Variants in WSCD1 observed in about 807,000 individuals in gnomAD.
WSCD1 encodes the protein WSC domain sialate O sulfotransferase 1, also known as sialate:O-sulfotransferase 1.
WSCD1 carries 41 observed loss-of-function variants against 60.4 expected under a neutral mutation model. The observed-to-expected ratio is 0.68, with a 90% CI of 0.53 to 0.88. The LOEUF is 0.88. WSCD1 is among the 40% of genes least tolerant of loss of function. The probability of loss-of-function intolerance (pLI) is 0.00; values close to 1 mark genes in which losing one functional copy is unlikely to be tolerated. For missense variants in WSCD1, 784 were observed against 796.2 expected (o/e 0.98, Z 0.18); for synonymous variants, 361 against 332.5 (o/e 1.09, Z -0.93).
intron 1 of WSCD1, 147 bp downstream of exon 1, chr17:6,070,799 G>GGGGGCACCTTCCCGGGGGCCC (rs1908489939): frequency 6.6e-6 from 1 of 151,790 alleles, no homozygotes; most frequent in Non-Finnish European, 1.5e-5. Context: ...CGGGCTTGCC[G>GGGGGCACCTTCCCGGGGGCCC]GGGGCACCTT....
chr17:6,080,517 C>A lies in WSCD1; in HGVS notation c.-142C>A. ...ACACCTACTGGAAACGGGGCAGGAA[C>A]AGTGAGTGACCCCAGGCGAGCACAG... On this transcript the variant is annotated 5_prime_UTR_variant, in exon 2 of 9. Coordinates refer to ENST00000317744, the MANE Select transcript of WSCD1 (RefSeq NM_015253.2). This position sits in a 1 kb window ranked among gnomAD's most constrained non-coding sequence, Gnocchi z 6.6. The A allele has an allele frequency of 1.2e-6, 1 of 812,444 alleles. No homozygotes were observed. The highest frequency in any genetic ancestry group is 2.0e-6 in the Non-Finnish European group (1 of 510,794). The allele number at this position is 812,444 out of a possible 1,614,324, so 50.3% of individuals were successfully genotyped here.
chr17:6,091,767 C>T (rs1910057754), intron 4 of WSCD1, among the ~76,000 whole-genome samples: 1 of 152,282 alleles, frequency 6.6e-6, no homozygotes, highest in Admixed American at 6.5e-5. Flanking sequence ...AGGCACAGCC[C>T]AGGGTCCAGG....
intron 2 of WSCD1, among the ~76,000 whole-genome samples, chr17:6,085,476 T>C (rs919278747): frequency 1.3e-5 from 2 of 152,158 alleles, no homozygotes; most frequent in Admixed American, 1.3e-4. Flanking sequence ...CGTATCCCCA[T>C]TTTATAGATG....
intron 2 of WSCD1, among the ~76,000 whole-genome samples, chr17:6,083,657 T>A (rs1909427451): frequency 6.6e-6 from 1 of 152,124 alleles, no homozygotes; most frequent in Admixed American, 6.5e-5. Flanking sequence ...CACGTGCCTG[T>A]AATTCCAGCT....
Position 6,122,860 on chromosome 17 carries a change from G to A in WSCD1, c.*2199G>A, listed in dbSNP as rs1445403018. 1 of 152,306 alleles carries A rather than the reference G, an allele frequency of 6.6e-6. No individual in the cohort carries two copies. Among genetic ancestry groups the A allele is most frequent in the Non-Finnish European group, 1.5e-5 (1 of 68,092 alleles). 9.4% of individuals were successfully genotyped at this position (152,306 alleles called of 1,614,324 possible). A position where few individuals can be genotyped will look rare whatever the true frequency, so the allele number is the denominator to read the frequency against. On this transcript the variant is annotated 3_prime_UTR_variant, in exon 9 of 9. Coordinates refer to ENST00000317744, the MANE Select transcript of WSCD1 (RefSeq NM_015253.2). ...AGTGAAGAGTGCAGGCAAGTAGAGTGATGGGGTCAGTGTCCATCCAGTTTA... is the reference window on the plus strand; with the variant it reads ...AGTGAAGAGTGCAGGCAAGTAGAGTAATGGGGTCAGTGTCCATCCAGTTTA...
intron 1 of WSCD1, chr17:6,078,052 T>C (rs770518557): frequency 6.6e-6 from 1 of 152,292 alleles, no homozygotes. Flanking sequence ...CTCTCCCATG[T>C]TTCAGGCTTC....
chr17:6,107,191 C>T (rs891846361), intron 5 of WSCD1, among the ~76,000 whole-genome samples: 8 of 152,054 alleles, frequency 5.3e-5, no homozygotes, highest in Admixed American at 3.3e-4. Flanking sequence ...GGACCTTTGT[C>T]GTATTAGATT....
At chr17:6,074,734 C>T (rs960215412) in intron 1 of WSCD1, among the ~76,000 whole-genome samples, 1 of 152,232 alleles carries the variant, frequency 6.6e-6, no homozygotes, top group African/African-American at 2.4e-5. Flanking sequence ...GGTGGAAGGG[C>T]ATGCGTGAGG....
chr17:6,095,487 G>A (rs1910365098), intron 5 of WSCD1, among the ~76,000 whole-genome samples: 1 of 152,236 alleles, frequency 6.6e-6, no homozygotes, highest in African/African-American at 2.4e-5. Context: ...TTCTGGATGC[G>A]AACTCTTGCC....
rs1434303754 is a variant in WSCD1 at position 6,070,379 on chromosome 17, G to T, written c.-562G>T. 1 of 147,346 alleles carries T rather than the reference G, an allele frequency of 6.8e-6. No homozygotes were observed. The highest frequency in any genetic ancestry group is 1.5e-5 in the Non-Finnish European group (1 of 65,948). The allele number at this position is 147,346 out of a possible 1,614,324, so 9.1% of individuals were successfully genotyped here. ...CCCCGGGCCGCGCGAGTGAGCATGTGCAGAGCCCGGCGCCCGCTCGCCCGC... is the reference window on the plus strand; with the variant it reads ...CCCCGGGCCGCGCGAGTGAGCATGTTCAGAGCCCGGCGCCCGCTCGCCCGC... On this transcript the variant is annotated 5_prime_UTR_variant, in exon 1 of 9. Transcript: ENST00000317744.
intron 8 of WSCD1, among the ~76,000 whole-genome samples, chr17:6,119,106 T>C (rs565215657): frequency 2.0e-4 from 30 of 152,306 alleles, no homozygotes; most frequent in African/African-American, 5.5e-4. Flanking sequence ...CCCACCCTCA[T>C]GACCATATCT....
chr17:6,081,266 C>T (rs1444685799), intron 2 of WSCD1, among the ~76,000 whole-genome samples, 181 bp downstream of exon 2: 2 of 152,214 alleles, frequency 1.3e-5, no homozygotes, highest in African/African-American at 4.8e-5. Flanking sequence ...TGCTCACTCA[C>T]CAGCTGGAGT....
chr17:6,110,686 C>A lies in WSCD1; in HGVS notation c.1010-85C>A. 1 of 1,486,254 alleles carries A rather than the reference C, an allele frequency of 6.7e-7. No homozygotes were observed. Among genetic ancestry groups the A allele is most frequent in the East Asian group, 2.3e-5 (1 of 43,142 alleles). 92.1% of individuals were successfully genotyped at this position (1,486,254 alleles called of 1,614,324 possible). A position where few individuals can be genotyped will look rare whatever the true frequency, so the allele number is the denominator to read the frequency against. ...CATCTATTAAATGGGAGTCTTCGTT[C>A]ATCAGTTCCTCTAAGGGAGTTTAGT... On this transcript the variant is annotated intron_variant, in intron 6 of 8. Coordinates refer to ENST00000317744, the MANE Select transcript of WSCD1 (RefSeq NM_015253.2). This position sits in a 1 kb window ranked among gnomAD's most constrained non-coding sequence, Gnocchi z 4.8.
chr17:6,094,734 G>A (rs1910293764), intron 4 of WSCD1, among the ~76,000 whole-genome samples: 1 of 144,738 alleles, frequency 6.9e-6, no homozygotes, highest in Non-Finnish European at 1.5e-5. Context: ...GGGAGGGAGG[G>A]AAGGAGGGAG....
intron 7 of WSCD1, among the ~76,000 whole-genome samples, chr17:6,114,090 T>A (rs1597370457): frequency 6.6e-6 from 1 of 150,914 alleles, no homozygotes; most frequent in South Asian, 2.1e-4. Flanking sequence ...GGAATCAACC[T>A]TAGTATCTAT....
Position 6,110,428 on chromosome 17 carries a change from C to T in WSCD1, c.1010-343C>T, listed in dbSNP as rs199549746. On this transcript the variant is annotated intron_variant, in intron 6 of 8. Transcript: ENST00000317744. This position sits in a 1 kb window ranked among gnomAD's most constrained non-coding sequence, Gnocchi z 4.8. ...TTGCTCAGCCTAGCCTCAATCCCCA[C>T]CCACTTCCCCTATTAGAATCTGGAA... Among the ~76,000 whole-genome samples the T allele has an allele frequency of 1.1e-4, 16 of 152,324 alleles. No individual in the cohort carries two copies. In the East Asian group the frequency reaches 1.9e-3, roughly 18 times the overall value.
At chr17:6,095,064 C>T (rs775351487) in intron 4 of WSCD1, 38 bp from the exon 5 acceptor site, 13 of 1,590,526 alleles carry the variant, frequency 8.2e-6, no homozygotes, top group Non-Finnish European at 1.1e-5. Context: ...AACAACTGGA[C>T]ACCATCTCTT....
At chr17:6,081,630 G>C (rs1401123175) in intron 2 of WSCD1, among the ~76,000 whole-genome samples, 1 of 151,742 alleles carries the variant, frequency 6.6e-6, no homozygotes, top group African/African-American at 2.4e-5. Flanking sequence ...AGAATCGCTG[G>C]AATCTGGGAA....
chr17:6,093,909 C>T (rs1473588191), intron 4 of WSCD1, among the ~76,000 whole-genome samples: 6 of 152,172 alleles, frequency 3.9e-5, no homozygotes, highest in African/African-American at 7.2e-5. Flanking sequence ...TTGTCTGTGC[C>T]CTAATAGGTC....
Sources: allele counts gnomAD v4.1 joint callset (sites outside exome capture counted in the v4.1 genomes callset), GRCh38; gene constraint gnomAD v4.1.1; non-coding constraint Gnocchi (gnomAD v3.1); transcripts MANE v1.5; gene names NCBI Gene and HGNC (gene_info 2026-07-23, HGNC 2026-07-21).